CAPN14: variants seen among roughly 807,000 people sequenced by gnomAD.
The protein encoded by CAPN14 is calpain-14.
CAPN14 carries 94 observed loss-of-function variants against 101.3 expected under a neutral mutation model. That is an observed-to-expected ratio of 0.93 (90% confidence interval 0.79 to 1.10). The LOEUF is 1.10. Among genes scored for constraint, CAPN14 ranks in the 50% least tolerant of loss-of-function variants. The probability of loss-of-function intolerance (pLI) is 0.00; values close to 1 mark genes in which losing one functional copy is unlikely to be tolerated. For missense variants in CAPN14, 837 were observed against 828.4 expected, an observed-to-expected ratio of 1.01 and a Z score of -0.13; for synonymous variants, 338 against 317.9, an observed-to-expected ratio of 1.06 and a Z score of -0.67.
chr2:31,185,589 T>G (rs1391739892), intron 16 of CAPN14, among the ~76,000 whole-genome samples: 2 of 152,234 alleles, frequency 1.3e-5, no homozygotes, highest in Non-Finnish European at 2.9e-5. Context: ...GAATTCTTTT[T>G]CAGCCGGGAA....
intron 1 of CAPN14, among the ~76,000 whole-genome samples, chr2:31,213,157 G>C (rs1682480659): frequency 6.6e-6 from 1 of 152,200 alleles, no homozygotes; most frequent in African/African-American, 2.4e-5. Flanking sequence ...GGAAAACCCA[G>C]AAGGCAAGTG....
rs757476304 is a variant in CAPN14, at chr2:31,176,610, C to G, written c.2005G>C (p.Gly669Arg). Residue 669 changes from glycine to arginine, a missense_variant, in exon 21 of 22, where the codon GGG becomes CGG. Transcript: ENST00000403897. ...ACCTCTGGCTTCTGGAGGTATATCC[C>G]TTTGCCATCTTGGGTTAAGTTTTGG... is the stretch of plus-strand genomic sequence containing the variant. The part of the protein sequence containing the change: ...VFQNLTQDGK[G>R]IYLQKPEWMM... 1.9e-6 allele frequency: 3 copies of G among 1,551,722 alleles called. No individual in the cohort carries two copies. The highest frequency in any genetic ancestry group is 2.6e-6 in the Non-Finnish European group (3 of 1,146,980).
At chr2:31,214,554 G>A (rs1473285139) in intron 1 of CAPN14, among the ~76,000 whole-genome samples, 5 of 152,140 alleles carry the variant, frequency 3.3e-5, no homozygotes. Context: ...TGGGGGAGAA[G>A]CGGCAGGAAG....
intron 5 of CAPN14, among the ~76,000 whole-genome samples, chr2:31,201,211 ATGTG>A (rs199981544): frequency 1.2e-4 from 17 of 143,730 alleles, no homozygotes; most frequent in African/African-American, 3.3e-4. Flanking sequence ...GTGTGTGTGC[ATGTG>A]TGTGTCTGTG....
At chr2:31,189,230 T>C (rs55741080) in intron 13 of CAPN14, 43 bp downstream of exon 13, 309,537 of 1,530,904 alleles carry the variant, frequency 0.2, 36,446 homozygotes, top group African/African-American at 0.5. Flanking sequence ...CCTGTCCTCG[T>C]CCAAGTGGTC....
intron 16 of CAPN14, among the ~76,000 whole-genome samples, chr2:31,182,716 C>T (rs2148674670): frequency 6.8e-6 from 1 of 147,084 alleles, no homozygotes; most frequent in Admixed American, 6.9e-5. Flanking sequence ...ACATTCCATG[C>T]TCATGGGTTG....
intron 1 of CAPN14, among the ~76,000 whole-genome samples, chr2:31,209,133 C>A (rs547257884): frequency 1.5e-5 from 2 of 136,942 alleles, no homozygotes; most frequent in South Asian, 5.1e-4. Flanking sequence ...CCATGCGCAG[C>A]TAACTTTTTT....
At chr2:31,223,767 A>G (rs1185310672) in intron 2 of CAPN14, among the ~76,000 whole-genome samples, 1 of 151,956 alleles carries the variant, frequency 6.6e-6, no homozygotes, top group Non-Finnish European at 1.5e-5. Context: ...TGACCTCGTG[A>G]TCCACCTGCC....
intron 1 of CAPN14, among the ~76,000 whole-genome samples, chr2:31,206,190 G>C (rs1239951404): frequency 6.6e-6 from 1 of 151,950 alleles, no homozygotes; most frequent in African/African-American, 2.4e-5. Flanking sequence ...CGCAGGGGGT[G>C]CTGGGGGCCA....
At chr2:31,197,193 G>A in intron 8 of CAPN14, 56 bp downstream of exon 8, 1 of 1,185,764 alleles carries the variant, frequency 8.4e-7, no homozygotes. Context: ...GCAAATGGCA[G>A]CCTCCTTTGC....
At position 31,191,924 on chromosome 2, in the gene CAPN14, G is replaced by T. The variant is rs1490611281; in HGVS notation, c.1278+11C>A. 6.5e-7 allele frequency: 1 copy of T among 1,538,814 alleles called. No individual in the cohort carries two copies. Among genetic ancestry groups the T allele is most frequent in the Admixed American group, 2.0e-5 (1 of 49,552 alleles). On this transcript the variant is annotated intron_variant, in intron 11 of 21. Coordinates refer to ENST00000403897, the MANE Select transcript of CAPN14 (RefSeq NM_001145122.2). ...TGGTCCCATGCCCCTGTGGTTCAGA[G>T]GTCCACCTACCCTATACAGGTAGAA...
chr2:31,193,578 T>G (rs1390941893), intron 9 of CAPN14, among the ~76,000 whole-genome samples: 1 of 152,200 alleles, frequency 6.6e-6, no homozygotes, highest in Non-Finnish European at 1.5e-5. Flanking sequence ...GTTTCTGGAA[T>G]CATGGTGATA....
Position 31,174,601 on chromosome 2 carries a change from G to A in CAPN14, c.*80C>T. The A allele has an allele frequency of 7.0e-7, 1 of 1,422,494 alleles. No individual in the cohort carries two copies. The highest frequency in any genetic ancestry group is 1.2e-5 in the South Asian group (1 of 81,286). 88.1% of individuals were successfully genotyped at this position (1,422,494 alleles called of 1,614,324 possible). On this transcript the variant is annotated 3_prime_UTR_variant, in exon 22 of 22. Transcript: ENST00000403897. ...GTCCTGAAGATCAGTAAGTAGGGTGGGCATGGGTTGGTCTCAGCCAAAGGC... is the reference window on the plus strand; with the variant it reads ...GTCCTGAAGATCAGTAAGTAGGGTGAGCATGGGTTGGTCTCAGCCAAAGGC...
At chr2:31,198,954 C>A (rs888253569) in intron 7 of CAPN14, among the ~76,000 whole-genome samples, 4 of 152,184 alleles carry the variant, frequency 2.6e-5, no homozygotes, top group African/African-American at 9.7e-5. Context: ...AGTCTTTCAT[C>A]TACACTCTCT....
chr2:31,217,353 G>A (rs921484706), intron 1 of CAPN14, 103 bp downstream of exon 1: 1 of 152,184 alleles, frequency 6.6e-6, no homozygotes, highest in Admixed American at 6.6e-5. Context: ...CTCAAACCAG[G>A]AGAAGCAAAT....
Position 31,205,375 on chromosome 2 carries a change from G to T in CAPN14, c.73C>A (p.Gln25Lys). 1 of 1,551,594 alleles carries T rather than the reference G, an allele frequency of 6.4e-7. No individual in the cohort carries two copies. Among genetic ancestry groups the T allele is most frequent in the South Asian group, 1.2e-5 (1 of 84,054 alleles). Reference protein sequence around the residue: ...PRYSRRASPQQPQQDFEALLA... With the variant: ...PRYSRRASPQKPQQDFEALLA... ...AGGGCCTCAAAGTCCTGTTGGGGTT[G>T]CTGTGGAGACGCCCTCCTAGAGTAC... The change falls in exon 2 of 22, where the codon CAA becomes AAA. Residue 25 changes from glutamine (Q) to lysine (K), a missense_variant. By Grantham distance (53) the Gln-to-Lys change is moderately conservative. Transcript: ENST00000403897.
intron 1 of CAPN14, among the ~76,000 whole-genome samples, chr2:31,231,921 T>C (rs1474073098): frequency 6.6e-6 from 1 of 152,222 alleles, no homozygotes; most frequent in African/African-American, 2.4e-5. Flanking sequence ...TTAATATTAC[T>C]CCTTAGGTTC....
intron 1 of CAPN14, among the ~76,000 whole-genome samples, chr2:31,215,499 T>C (rs1288513757): frequency 6.6e-6 from 1 of 152,156 alleles, no homozygotes; most frequent in African/African-American, 2.4e-5. Flanking sequence ...CCACACACCC[T>C]CTGCTCTGTC....
intron 16 of CAPN14, among the ~76,000 whole-genome samples, chr2:31,181,959 T>C (rs1302745086): frequency 3.9e-5 from 6 of 152,096 alleles, no homozygotes; most frequent in South Asian, 4.2e-4. Flanking sequence ...TCTTTGCTAT[T>C]GTGAATAGTG....
Sources: allele counts gnomAD v4.1 joint callset (sites outside exome capture counted in the v4.1 genomes callset), GRCh38; gene constraint gnomAD v4.1.1; transcripts MANE v1.5; gene names NCBI Gene and HGNC (gene_info 2026-07-23, HGNC 2026-07-21).